IPO11: variants seen among roughly 807,000 people sequenced by gnomAD.
IPO11 encodes the protein importin-11.
IPO11 carries 66 observed loss-of-function variants against 143.2 expected under a neutral mutation model. The ratio of observed to expected loss-of-function variants is 0.46; its 90% CI spans 0.38 to 0.57. The LOEUF (loss-of-function observed/expected upper bound fraction) is 0.57, where lower values mean the gene tolerates loss of function less well. IPO11 is among the 20% of genes least tolerant of loss of function. IPO11 has a pLI of 0.00. For missense variants in IPO11, 1,026 were observed against 1,141.0 expected, an observed-to-expected ratio of 0.90 and a Z score of 1.45; for synonymous variants, 385 against 377.8, an observed-to-expected ratio of 1.02 and a Z score of -0.22.
intron 2 of IPO11, 144 bp downstream of exon 2, chr5:62,437,561 TTA>T: frequency 1.6e-6 from 1 of 606,450 alleles, no homozygotes; most frequent in East Asian, 3.0e-5. Context: ...TCTTATTACT[TTA>T]TGACTTCTTA....
chr5:62,467,162 C>T lies in IPO11; in HGVS notation c.548C>T (p.Ser183Phe), dbSNP rs760863501. The stretch of plus-strand genomic sequence containing the variant: ...TCTGGAATTTATAATTTTGCCTGCT[C>T]TCTGTGGAATCACCACACAGACACA... Reference protein sequence around the residue: ...LASGIYNFACSLWNHHTDTFL... With the variant: ...LASGIYNFACFLWNHHTDTFL... Residue 183 changes from serine (S) to phenylalanine (F), a missense_variant, in exon 6 of 30, where the codon TCT (serine) becomes TTT (phenylalanine). By Grantham distance (155) the Ser-to-Phe change is radical (BLOSUM62 -2). Transcript: ENST00000325324. 3.7e-6 allele frequency: 6 copies of T among 1,610,888 alleles called. No individual in the cohort carries two copies. In the African/African-American group the frequency reaches 5.4e-5, roughly 14 times the overall value.
At chr5:62,496,862 C>T (rs370964795) in intron 16 of IPO11, among the ~76,000 whole-genome samples, 2 of 152,148 alleles carry the variant, frequency 1.3e-5, no homozygotes, top group Non-Finnish European at 2.9e-5. Flanking sequence ...CATTATATTT[C>T]CCTAGATCAG....
chr5:62,537,004 A>G (rs967565067), intron 23 of IPO11, among the ~76,000 whole-genome samples: 12 of 152,086 alleles, frequency 7.9e-5, no homozygotes, highest in African/African-American at 2.7e-4. Context: ...TTATATTCCT[A>G]TGAAAATCAG....
chr5:62,459,420 T>G (rs1745280601), intron 5 of IPO11, among the ~76,000 whole-genome samples: 1 of 151,432 alleles, frequency 6.6e-6, no homozygotes, highest in Non-Finnish European at 1.5e-5. Flanking sequence ...AAATATTAGT[T>G]GAGAGACATC....
At chr5:62,482,873 A>G (rs970203478) in intron 9 of IPO11, among the ~76,000 whole-genome samples, 3 of 152,150 alleles carry the variant, frequency 2.0e-5, no homozygotes, top group African/African-American at 7.2e-5. Flanking sequence ...TGGTTTCTGT[A>G]TTGAAAATAA....
intron 20 of IPO11, among the ~76,000 whole-genome samples, chr5:62,524,027 G>T (rs1023063632): frequency 6.6e-6 from 1 of 151,984 alleles, no homozygotes; most frequent in South Asian, 2.1e-4. Flanking sequence ...AATTATAGTA[G>T]AATATTAATT....
chr5:62,424,372 C>T (rs1420981406), intron 1 of IPO11, among the ~76,000 whole-genome samples: 8 of 151,964 alleles, frequency 5.3e-5, no homozygotes, highest in Non-Finnish European at 1.2e-4. Flanking sequence ...ATCTTGTGAC[C>T]TCGTGATCCG....
At chr5:62,579,384 A>T (rs953781232) in intron 27 of IPO11, 1 of 1,495,772 alleles carries the variant, frequency 6.7e-7, no homozygotes, top group South Asian at 1.2e-5. Context: ...TTAAAGCTTT[A>T]CCTTCTCTTT....
chr5:62,596,538 C>G (rs1398122017), intron 28 of IPO11, among the ~76,000 whole-genome samples: 1 of 152,052 alleles, frequency 6.6e-6, no homozygotes, highest in Admixed American at 6.6e-5. Context: ...GGTGAGTGGT[C>G]TCAGACCAGT....
intron 20 of IPO11, among the ~76,000 whole-genome samples, chr5:62,518,826 T>C (rs1742114352): frequency 6.6e-6 from 1 of 152,132 alleles, no homozygotes; most frequent in African/African-American, 2.4e-5. Context: ...TTAGAGGAAG[T>C]AGGTATTCGT....
Position 62,628,528 on chromosome 5 carries a change from T to G in IPO11, c.*1210T>G, listed in dbSNP as rs1329427471. The stretch of plus-strand genomic sequence containing the variant: ...CCAAACTGTATGGGGATATTTGATG[T>G]TTTCAGAAAGAGGAAGAAAATATGG... On this transcript the variant is annotated 3_prime_UTR_variant, in exon 30 of 30. Coordinates refer to ENST00000325324, the MANE Select transcript of IPO11 (RefSeq NM_016338.5). 1 of 152,588 alleles carries G rather than the reference T, an allele frequency of 6.6e-6. No homozygotes were observed. The highest frequency in any genetic ancestry group is 1.5e-5 in the Non-Finnish European group (1 of 68,022). 9.5% of individuals were successfully genotyped at this position (152,588 alleles called of 1,614,324 possible).
intron 3 of IPO11, among the ~76,000 whole-genome samples, chr5:62,448,455 A>G (rs1005987002): frequency 6.6e-6 from 1 of 152,090 alleles, no homozygotes; most frequent in African/African-American, 2.4e-5. Flanking sequence ...ACTCAGTTTT[A>G]CTCTAAAATG....
At chr5:62,530,046 G>T (rs1314290838) in intron 21 of IPO11, among the ~76,000 whole-genome samples, 4 of 152,118 alleles carry the variant, frequency 2.6e-5, no homozygotes, top group African/African-American at 9.7e-5. Context: ...TAAGCATTTA[G>T]CATAAGTTTT....
chr5:62,435,167 T>C (rs1312968312), intron 1 of IPO11, among the ~76,000 whole-genome samples: 4 of 104,504 alleles, frequency 3.8e-5, no homozygotes, highest in Non-Finnish European at 5.9e-5. Context: ...TATATGTATA[T>C]ATATGTATAT....
chr5:62,625,457 A>G (rs1477001869), intron 29 of IPO11, among the ~76,000 whole-genome samples: 1 of 152,226 alleles, frequency 6.6e-6, no homozygotes, highest in Non-Finnish European at 1.5e-5. Context: ...TCTGGCTATT[A>G]ACACTTCATT....
At chr5:62,450,792 T>C (rs1186499988) in intron 4 of IPO11, among the ~76,000 whole-genome samples, 1 of 152,158 alleles carries the variant, frequency 6.6e-6, no homozygotes, top group Non-Finnish European at 1.5e-5. Flanking sequence ...TTTTTTTTTA[T>C]ATTGAGGTCT....
chr5:62,444,379 A>C (rs1240771051), intron 3 of IPO11, among the ~76,000 whole-genome samples: 4 of 151,568 alleles, frequency 2.6e-5, no homozygotes, highest in African/African-American at 9.7e-5. Context: ...GGTGTGAGCC[A>C]CTGTGCCCGG....
At chr5:62,460,829 GA>G (rs141220307) in intron 5 of IPO11, among the ~76,000 whole-genome samples, 3 of 152,004 alleles carry the variant, frequency 2.0e-5, no homozygotes, top group African/African-American at 4.8e-5. Flanking sequence ...ATCACATGTA[GA>G]AAAAAATATT....
In IPO11 at chr5:62,536,458, G is replaced by C. The variant is rs542306364; in HGVS notation, c.2090-244G>C. On this transcript the variant is annotated intron_variant, in intron 22 of 29. Transcript: ENST00000325324. ...TCATTCATTCATTTATTCATTCATT[G>C]AGACAGGGTCTCACTCTTTTGCCCA... is the stretch of plus-strand genomic sequence containing the variant. Among the ~76,000 whole-genome samples, 10 of 151,340 alleles carry C rather than the reference G, an allele frequency of 6.6e-5. No individual in the cohort carries two copies. In the South Asian group the frequency reaches 2.1e-3, roughly 32 times the overall value.
Sources: gnomAD v4.1 joint callset for allele counts (sites outside exome capture counted in the v4.1 genomes callset) on GRCh38, gnomAD v4.1.1 for gene constraint, MANE v1.5 for transcripts, NCBI Gene and HGNC (gene_info 2026-07-23, HGNC 2026-07-21) for gene names.